CDH23: variants seen among roughly 807,000 people sequenced by gnomAD.
The protein encoded by CDH23 is cadherin-23.
Under a neutral mutation model 317.1 loss-of-function variants are expected in CDH23, and 189 were observed. The ratio of observed to expected loss-of-function variants is 0.60; its 90% confidence interval spans 0.53 to 0.67. The LOEUF is 0.67. CDH23 is among the 30% of genes least tolerant of loss of function. The probability of loss-of-function intolerance (pLI) is 0.00; values close to 1 mark genes in which losing one functional copy is unlikely to be tolerated. For missense variants in CDH23, 4,401 were observed against 4,592.4 expected (o/e 0.96, Z 1.20); for synonymous variants, 1,839 against 1,876.8 (o/e 0.98, Z 0.52).
At chr10:71,572,107 A>G (rs1235366662) in intron 8 of CDH23, among the ~76,000 whole-genome samples, 1 of 152,172 alleles carries the variant, frequency 6.6e-6, no homozygotes, top group Non-Finnish European at 1.5e-5. Flanking sequence ...CCGGCCTGCT[A>G]CTGTTGAGTG....
At chr10:71,786,407 G>T (rs535569446) in intron 44 of CDH23, among the ~76,000 whole-genome samples, 10 of 152,038 alleles carry the variant, frequency 6.6e-5, no homozygotes, top group Non-Finnish European at 1.3e-4. Flanking sequence ...TTTCCCTATC[G>T]GTCTAGCCAG....
intron 3 of CDH23, among the ~76,000 whole-genome samples, chr10:71,507,299 A>G (rs1589146539): frequency 6.6e-6 from 1 of 152,226 alleles, no homozygotes; most frequent in South Asian, 2.1e-4. Flanking sequence ...ACTAGAGATT[A>G]CCTGAGAGCA....
chr10:71,452,926 G>C (rs1850520022), intron 3 of CDH23, among the ~76,000 whole-genome samples: 1 of 152,182 alleles, frequency 6.6e-6, no homozygotes, highest in African/African-American at 2.4e-5. Context: ...CTCCATCTCT[G>C]TACCAAGCAT....
intron 6 of CDH23, among the ~76,000 whole-genome samples, chr10:71,555,903 C>T (rs2132328169): frequency 6.6e-6 from 1 of 152,272 alleles, no homozygotes; most frequent in South Asian, 2.1e-4. Flanking sequence ...GGGTGTCTTG[C>T]CCCAGACCCA....
chr10:71,646,834 G>A (rs975634974), intron 14 of CDH23: 12 of 1,481,218 alleles, frequency 8.1e-6, no homozygotes, highest in Non-Finnish European at 9.0e-6. Flanking sequence ...GCCAACCTGA[G>A]GGGTGACGAG....
intron 6 of CDH23, among the ~76,000 whole-genome samples, chr10:71,552,148 G>A (rs1180772541): frequency 1.3e-5 from 2 of 152,238 alleles, no homozygotes; most frequent in African/African-American, 4.8e-5. Context: ...GCAGGAGGAA[G>A]GTGTTATTGC....
chr10:71,788,988 C>T lies in CDH23; in HGVS notation c.5869C>T (p.Pro1957Ser), dbSNP rs1841172562. ...IFLSDENDNHPLFTKSTYQAE... is the reference protein window; with the variant it reads ...IFLSDENDNHSLFTKSTYQAE... ...CCTTTCTGATGAGAATGACAACCAC[C>T]CCCTCTTCACTAAAAGCACCTACCA... The change falls in exon 45 of 70, where the codon CCC (proline) becomes TCC (serine). Residue 1957 changes from proline (P) to serine (S), a missense_variant. Around this residue, in one of 3 missense-constraint regions of CDH23, gnomAD observed 3,068 missense variants for 3,203.3 expected, o/e 0.96. Coordinates refer to ENST00000224721, the MANE Select transcript of CDH23 (RefSeq NM_022124.6). 7 of 1,605,714 alleles carry T rather than the reference C, an allele frequency of 4.4e-6. No homozygotes were observed. The highest frequency in any genetic ancestry group is 6.0e-6 in the Non-Finnish European group (7 of 1,172,400).
rs745528904 is a variant in CDH23, at chr10:71,793,564, C to G, written c.6636C>G (p.Val2212=). 6.2e-7 allele frequency: 1 copy of G among 1,612,926 alleles called. No individual in the cohort carries two copies. Among genetic ancestry groups the G allele is most frequent in the South Asian group, 1.1e-5 (1 of 91,030 alleles). Residue 2212 remains valine, a synonymous_variant, in exon 48 of 70, where the codon GTC becomes GTG. Coordinates refer to ENST00000224721, the MANE Select transcript of CDH23 (RefSeq NM_022124.6). Reference sequence around the variant, plus strand: ...ACCCAAAGCTAGAGTACCACATTGTCGGCATTGTGGCCAAGGACGACACTG... The same window carrying G: ...ACCCAAAGCTAGAGTACCACATTGTGGGCATTGTGGCCAAGGACGACACTG... ...DLNPKLEYHI[V]GIVAKDDTDR...
At chr10:71,711,245 C>T (rs762006653) in intron 27 of CDH23, among the ~76,000 whole-genome samples, 3 of 152,078 alleles carry the variant, frequency 2.0e-5, no homozygotes, top group Admixed American at 6.5e-5. Context: ...GAGCCTCCCA[C>T]ACACACACCA....
chr10:71,657,920 T>TATAC (rs1554852140), intron 14 of CDH23, among the ~76,000 whole-genome samples: 4 of 151,336 alleles, frequency 2.6e-5, no homozygotes, highest in Admixed American at 2.0e-4. Context: ...GAGGGACACA[T>TATAC]ACACACACAC....
intron 9 of CDH23, among the ~76,000 whole-genome samples, chr10:71,603,608 G>A (rs1322861874): frequency 6.6e-6 from 1 of 151,780 alleles, no homozygotes; most frequent in Non-Finnish European, 1.5e-5. Flanking sequence ...TGCCAAGCAG[G>A]CAGCAGGGGG....
chr10:71,795,128 T>C (rs1391000597), intron 48 of CDH23, among the ~76,000 whole-genome samples: 3 of 152,162 alleles, frequency 2.0e-5, no homozygotes, highest in African/African-American at 4.8e-5. Flanking sequence ...TTTTCAGAAA[T>C]ACTTTTATTA....
intron 1 of CDH23, among the ~76,000 whole-genome samples, chr10:71,401,726 T>C (rs1042608143): frequency 1.3e-5 from 2 of 152,094 alleles, no homozygotes; most frequent in Non-Finnish European, 2.9e-5. Flanking sequence ...GCAAAACCCA[T>C]CTACGTGATG....
chr10:71,700,994 TTAAGAA>T (rs978283360), intron 22 of CDH23, among the ~76,000 whole-genome samples: 3 of 152,054 alleles, frequency 2.0e-5, no homozygotes, highest in African/African-American at 7.2e-5. Flanking sequence ...TGTCCTGCAG[TTAAGAA>T]TAACACTGTC....
chr10:71,701,256 G>A (rs1027786585), intron 22 of CDH23, among the ~76,000 whole-genome samples: 2 of 152,228 alleles, frequency 1.3e-5, no homozygotes, highest in African/African-American at 2.4e-5. Flanking sequence ...GTTGGAGGAC[G>A]AGGGAGCTTC....
chr10:71,796,854 G>A (rs1030696181), intron 48 of CDH23: 9 of 401,854 alleles, frequency 2.2e-5, no homozygotes, highest in African/African-American at 8.1e-5. Context: ...TACAAATGTG[G>A]ACACAGAGGT....
chr10:71,514,062 A>T (rs1854140132), intron 6 of CDH23, among the ~76,000 whole-genome samples: 1 of 151,976 alleles, frequency 6.6e-6, no homozygotes, highest in Non-Finnish European at 1.5e-5. Flanking sequence ...CCATGCACAC[A>T]CAGTCTATGC....
chr10:71,723,805 G>C (rs922983011), intron 28 of CDH23, among the ~76,000 whole-genome samples: 1 of 152,176 alleles, frequency 6.6e-6, no homozygotes, highest in Non-Finnish European at 1.5e-5. Flanking sequence ...ACCTGGAGGA[G>C]GATCGGGGCA....
chr10:71,607,031 AGGATGCAG>A (rs1404069041), intron 9 of CDH23, among the ~76,000 whole-genome samples: 1 of 152,234 alleles, frequency 6.6e-6, no homozygotes, highest in Non-Finnish European at 1.5e-5. Flanking sequence ...GATGCCATCC[AGGATGCAG>A]GCCCCTTTTG....
Sources: allele counts gnomAD v4.1 joint callset (sites outside exome capture counted in the v4.1 genomes callset), GRCh38; gene constraint gnomAD v4.1.1; regional missense constraint gnomAD v4.1.1; transcripts MANE v1.5; gene names NCBI Gene and HGNC (gene_info 2026-07-23, HGNC 2026-07-21).